Variants in KIAA1217 observed in about 807,000 individuals in gnomAD.
KIAA1217 encodes the protein sickle tail protein homolog.
Under a neutral mutation model 163.9 loss-of-function variants are expected in KIAA1217, and 88 were observed. The observed-to-expected ratio is 0.54, with a 90% confidence interval of 0.45 to 0.64. The LOEUF (loss-of-function observed/expected upper bound fraction) is 0.64, where lower values mean the gene tolerates loss of function less well. Among genes scored for constraint, KIAA1217 ranks in the 30% least tolerant of loss-of-function variants. The pLI is 0.00. For missense variants in KIAA1217, 2,372 were observed against 2,475.0 expected (o/e 0.96, Z 0.88); for synonymous variants, 903 against 923.1 (o/e 0.98, Z 0.39).
intron 3 of KIAA1217, among the ~76,000 whole-genome samples, chr10:24,387,285 C>T (rs1365246248): frequency 6.6e-6 from 1 of 152,168 alleles, no homozygotes; most frequent in African/African-American, 2.4e-5. Context: ...ATCATATAAA[C>T]AGAACCAAAG....
intron 16 of KIAA1217, among the ~76,000 whole-genome samples, chr10:24,535,784 TAAAC>T (rs34066590): frequency 0.4 from 60,773 of 151,310 alleles, 12,904 homozygotes; most frequent in Middle Eastern, 0.57. Flanking sequence ...CTCAAATAAA[TAAAC>T]AAACAAACAA....
intron 2 of KIAA1217, among the ~76,000 whole-genome samples, chr10:24,171,680 A>C (rs974566476): frequency 1.3e-5 from 2 of 152,038 alleles, no homozygotes; most frequent in African/African-American, 4.8e-5. Flanking sequence ...GGTGCATACC[A>C]GGAGGATGAG....
chr10:23,925,714 C>A (rs1002109406), intron 1 of KIAA1217, among the ~76,000 whole-genome samples: 2 of 152,138 alleles, frequency 1.3e-5, no homozygotes, highest in Non-Finnish European at 2.9e-5. Flanking sequence ...AAGTGGAACA[C>A]GCCCTAAGTG....
intron 2 of KIAA1217, among the ~76,000 whole-genome samples, chr10:24,360,500 T>A (rs2134214854): frequency 6.6e-6 from 1 of 152,358 alleles, no homozygotes; most frequent in South Asian, 2.1e-4. Flanking sequence ...GCTTTAACTA[T>A]GCAAGCAGTC....
chr10:24,478,928 A>G (rs1446258540), intron 6 of KIAA1217, among the ~76,000 whole-genome samples: 1 of 152,228 alleles, frequency 6.6e-6, no homozygotes, highest in African/African-American at 2.4e-5. Context: ...CCTTCGAAAT[A>G]TGTAACAGAT....
At chr10:24,090,164 CTTT>C (rs1162687231) in intron 2 of KIAA1217, among the ~76,000 whole-genome samples, 291 of 109,222 alleles carry the variant, frequency 2.7e-3, no homozygotes, top group African/African-American at 0.011. Context: ...TTTTCTTTTT[CTTT>C]TTTTTTTTTT....
chr10:24,519,746 C>CCT (rs143380718), intron 10 of KIAA1217, among the ~76,000 whole-genome samples: 2 of 151,708 alleles, frequency 1.3e-5, no homozygotes, highest in South Asian at 2.1e-4. Flanking sequence ...GGTCGGTCTC[C>CCT]CTCTCTCTCT....
intron 3 of KIAA1217, among the ~76,000 whole-genome samples, chr10:24,394,823 T>C (rs2055496237): frequency 1.3e-5 from 2 of 152,280 alleles, no homozygotes; most frequent in Admixed American, 6.5e-5. Context: ...AAAATATTAA[T>C]AGCACCCCTG....
chr10:23,983,007 G>T (rs1177244618), intron 1 of KIAA1217, among the ~76,000 whole-genome samples: 1 of 152,014 alleles, frequency 6.6e-6, no homozygotes, highest in African/African-American at 2.4e-5. Context: ...GCTGGGTTGG[G>T]TTCAGGTTTG....
intron 1 of KIAA1217, among the ~76,000 whole-genome samples, chr10:23,757,417 T>A (rs1333886170): frequency 1.3e-5 from 2 of 152,178 alleles, no homozygotes; most frequent in Non-Finnish European, 2.9e-5. Context: ...TTAAAAAAAA[T>A]TATAGCAGCC....
At chr10:24,151,527 C>T (rs1489998734) in intron 2 of KIAA1217, among the ~76,000 whole-genome samples, 5 of 149,300 alleles carry the variant, frequency 3.3e-5, no homozygotes, top group Non-Finnish European at 4.4e-5. Context: ...ACATCATACA[C>T]GGCGTTGTAA....
intron 5 of KIAA1217, among the ~76,000 whole-genome samples, chr10:24,468,677 G>C (rs934287468): frequency 2.0e-5 from 3 of 152,194 alleles, no homozygotes; most frequent in Non-Finnish European, 4.4e-5. Flanking sequence ...CCGGGCTGCT[G>C]ACTGTTCATG....
intron 2 of KIAA1217, among the ~76,000 whole-genome samples, chr10:24,350,275 T>C (rs1012975945): frequency 2.0e-5 from 3 of 152,136 alleles, no homozygotes; most frequent in Admixed American, 6.5e-5. Context: ...AGCATCAACA[T>C]TGAGGGAGAA....
intron 2 of KIAA1217, among the ~76,000 whole-genome samples, chr10:24,362,384 C>T (rs898845877): frequency 6.6e-6 from 1 of 152,094 alleles, no homozygotes; most frequent in African/African-American, 2.4e-5. Flanking sequence ...AAACATTCTC[C>T]ACTGGTAAAA....
At chr10:24,183,698 C>T (rs1391814746) in intron 2 of KIAA1217, among the ~76,000 whole-genome samples, 1 of 152,174 alleles carries the variant, frequency 6.6e-6, no homozygotes. Context: ...GGGGAACTCC[C>T]TCTCTATTTT....
intron 2 of KIAA1217, among the ~76,000 whole-genome samples, chr10:24,309,404 T>C (rs562196927): frequency 1.3e-5 from 2 of 151,960 alleles, no homozygotes; most frequent in Admixed American, 6.6e-5. Flanking sequence ...TTACAAATGT[T>C]GCACACTATA....
At chr10:23,847,354 C>T (rs1043610028) in intron 1 of KIAA1217, among the ~76,000 whole-genome samples, 3 of 152,084 alleles carry the variant, frequency 2.0e-5, no homozygotes, top group Non-Finnish European at 2.9e-5. Context: ...AGCTGTAATT[C>T]GGTCTCGTCC....
At chr10:24,068,135 ACTGCACCCACTGTC>A (rs1235937633) in intron 2 of KIAA1217, among the ~76,000 whole-genome samples, 2 of 152,132 alleles carry the variant, frequency 1.3e-5, no homozygotes, top group Non-Finnish European at 2.9e-5. Flanking sequence ...TGCATGGTGC[ACTGCACCCACTGTC>A]CTGCACCCAC....
chr10:23,830,821 TACAC>T lies in KIAA1217; in HGVS notation c.-321+135612_-321+135615del, dbSNP rs139183459. 5.5e-3 allele frequency among the ~76,000 whole-genome samples: 814 copies of T among 147,514 alleles called. 18 individuals carry two copies. The highest frequency in any genetic ancestry group is 0.033 in the East Asian group (164 of 5,038). On this transcript the variant is annotated intron_variant, in intron 1 of 18. Transcript: ENST00000376462. ...GGTGATAGAGATAGAGATATATGTG[TACAC>T]ACACACACACACACACACACACACT...
Sources: gnomAD v4.1 joint callset for allele counts (sites outside exome capture counted in the v4.1 genomes callset) on GRCh38, gnomAD v4.1.1 for gene constraint, MANE v1.5 for transcripts, NCBI Gene and HGNC (gene_info 2026-07-23, HGNC 2026-07-21) for gene names.